Variants in SMYD3 observed in about 807,000 individuals in gnomAD.
The protein encoded by SMYD3 is histone-lysine N-methyltransferase SMYD3.
Under a neutral mutation model 57.7 loss-of-function variants are expected in SMYD3, and 36 were observed. That is an observed-to-expected ratio of 0.62 (90% CI 0.48 to 0.82). The LOEUF (loss-of-function observed/expected upper bound fraction) is 0.82, where lower values mean the gene tolerates loss of function less well. Ranked by LOEUF, SMYD3 falls within the 40% of genes least tolerant of loss-of-function variation. SMYD3 has a pLI of 0.00. For missense variants in SMYD3, 515 were observed against 538.8 expected, an observed-to-expected ratio of 0.96 and a Z score of 0.44; for synonymous variants, 211 against 195.0, an observed-to-expected ratio of 1.08 and a Z score of -0.68.
Position 246,268,885 on chromosome 1 carries a change from G to C in SMYD3, c.531+58316C>G, listed in dbSNP as rs566828390. ...GAATTCTTTCTCGCGCCAGATCCAA[G>C]AGCCCTCCCTTGGGGTCCTGCAACA... On this transcript the variant is annotated intron_variant, in intron 5 of 11. Transcript: ENST00000490107. Among the ~76,000 whole-genome samples the C allele has an allele frequency of 1.1e-4, 17 of 152,082 alleles. No homozygotes were observed. The East Asian group carries it at 3.1e-3, about 28-fold the overall frequency.
intron 5 of SMYD3, among the ~76,000 whole-genome samples, chr1:246,025,094 C>G (rs2059552009): frequency 7.1e-6 from 1 of 140,646 alleles, no homozygotes; most frequent in African/African-American, 2.8e-5. Flanking sequence ...AGGAAGTGGA[C>G]AGCATCTAGG....
intron 1 of SMYD3, among the ~76,000 whole-genome samples, chr1:246,363,665 G>C (rs1311623466): frequency 1.3e-5 from 2 of 152,132 alleles, no homozygotes; most frequent in East Asian, 3.8e-4. Flanking sequence ...GTCCACTCAG[G>C]GTTGAATGGA....
intron 8 of SMYD3, among the ~76,000 whole-genome samples, chr1:245,900,106 T>C (rs918520096): frequency 2.0e-5 from 3 of 152,144 alleles, no homozygotes; most frequent in African/African-American, 7.2e-5. Flanking sequence ...GTTCTCCTTC[T>C]CTGAAAAACC....
intron 5 of SMYD3, among the ~76,000 whole-genome samples, chr1:246,240,385 A>C (rs2063588061): frequency 6.6e-6 from 1 of 152,164 alleles, no homozygotes; most frequent in South Asian, 2.1e-4. Flanking sequence ...AGGTGTGTCA[A>C]AGATCAGATG....
At chr1:245,922,461 C>T (rs2056042261) in intron 7 of SMYD3, among the ~76,000 whole-genome samples, 1 of 152,200 alleles carries the variant, frequency 6.6e-6, no homozygotes, top group African/African-American at 2.4e-5. Context: ...ACAGTTGTAG[C>T]AATCTTTCTT....
At chr1:246,351,294 T>G (rs1302385379) in intron 2 of SMYD3, among the ~76,000 whole-genome samples, 1 of 152,202 alleles carries the variant, frequency 6.6e-6, no homozygotes, top group Non-Finnish European at 1.5e-5. Context: ...ATTAATTCAT[T>G]CAACTAGAAA....
intron 1 of SMYD3, among the ~76,000 whole-genome samples, chr1:246,377,978 C>G (rs1200273116): frequency 6.6e-6 from 1 of 152,174 alleles, no homozygotes; most frequent in East Asian, 1.9e-4. Flanking sequence ...AAAATGTTAT[C>G]TCAATGTGCT....
chr1:245,754,111 A>T (rs780118254), intron 11 of SMYD3, among the ~76,000 whole-genome samples: 3 of 152,182 alleles, frequency 2.0e-5, no homozygotes, highest in Non-Finnish European at 4.4e-5. Context: ...ACAGGCATAC[A>T]GTTAACTCAG....
chr1:246,456,071 G>A (rs1337954975), intron 1 of SMYD3, among the ~76,000 whole-genome samples: 2 of 152,102 alleles, frequency 1.3e-5, no homozygotes, highest in Non-Finnish European at 2.9e-5. Context: ...ATGTTTGCAG[G>A]TTCTTTGCTG....
chr1:246,199,586 T>C (rs1228557278), intron 5 of SMYD3, among the ~76,000 whole-genome samples: 1 of 152,194 alleles, frequency 6.6e-6, no homozygotes, highest in Non-Finnish European at 1.5e-5. Flanking sequence ...TACTGGATAC[T>C]CCCTCCCTTC....
At chr1:246,498,529 C>T (rs111532087) in intron 1 of SMYD3, among the ~76,000 whole-genome samples, 8,262 of 152,026 alleles carry the variant, frequency 0.054, 716 homozygotes, top group African/African-American at 0.19. Flanking sequence ...GTCAGGAGAT[C>T]GAGACCATCC....
intron 1 of SMYD3, among the ~76,000 whole-genome samples, chr1:246,362,444 TC>T (rs2066004249): frequency 8.8e-4 from 2 of 2,262 alleles, no homozygotes; most frequent in East Asian, 0.077. Context: ...TCCCACGGTC[TC>T]CCTCTCCCTC....
At chr1:246,315,159 C>A (rs2148639986) in intron 5 of SMYD3, among the ~76,000 whole-genome samples, 1 of 152,298 alleles carries the variant, frequency 6.6e-6, no homozygotes, top group Admixed American at 6.5e-5. Context: ...TTTCTGTGAT[C>A]TCTTCAGCCC....
intron 8 of SMYD3, among the ~76,000 whole-genome samples, chr1:245,878,673 T>C (rs1179444482): frequency 1.3e-5 from 2 of 152,248 alleles, no homozygotes; most frequent in South Asian, 4.1e-4. Flanking sequence ...TGAGGACAAC[T>C]TGGCAAGGAG....
intron 5 of SMYD3, among the ~76,000 whole-genome samples, chr1:246,057,319 G>A (rs1302548788): frequency 3.3e-5 from 5 of 152,138 alleles, no homozygotes; most frequent in African/African-American, 7.2e-5. Flanking sequence ...AGAGTTACAT[G>A]CAGAACTGAA....
chr1:245,783,942 T>C (rs1354246027), intron 10 of SMYD3, among the ~76,000 whole-genome samples: 3 of 152,178 alleles, frequency 2.0e-5, no homozygotes, highest in African/African-American at 4.8e-5. Flanking sequence ...CTCAACACAG[T>C]GAAGTTGTCA....
intron 5 of SMYD3, among the ~76,000 whole-genome samples, chr1:245,941,151 G>C (rs2057227238): frequency 6.6e-6 from 1 of 152,078 alleles, no homozygotes; most frequent in Non-Finnish European, 1.5e-5. Flanking sequence ...AAACCTCCAA[G>C]AACTATTGGT....
At chr1:245,918,461 G>A (rs2055611835) in intron 7 of SMYD3, among the ~76,000 whole-genome samples, 1 of 152,228 alleles carries the variant, frequency 6.6e-6, no homozygotes, top group Non-Finnish European at 1.5e-5. Context: ...GTTAGAGAAT[G>A]TTCTGTGGCA....
intron 10 of SMYD3, among the ~76,000 whole-genome samples, chr1:245,801,599 A>G (rs1463111201): frequency 6.6e-6 from 1 of 152,216 alleles, no homozygotes; most frequent in African/African-American, 2.4e-5. Context: ...CTTCATCTAT[A>G]AAGTGTGACA....
Sources: allele counts gnomAD v4.1 joint callset (sites outside exome capture counted in the v4.1 genomes callset), GRCh38; gene constraint gnomAD v4.1.1; transcripts MANE v1.5; gene names NCBI Gene and HGNC (gene_info 2026-07-23, HGNC 2026-07-21).